The following RGL1 variants were observed in gnomAD, a reference collection of about 807,000 sequenced individuals.
RGL1 encodes the protein ral guanine nucleotide dissociation stimulator like 1.
Under a neutral mutation model 95.2 loss-of-function variants are expected in RGL1, and 24 were observed. The observed-to-expected ratio is 0.25, with a 90% CI of 0.18 to 0.35. The LOEUF is 0.35. RGL1 is among the 10% of genes least tolerant of loss of function. The probability of loss-of-function intolerance (pLI) is 1.00; values close to 1 mark genes in which losing one functional copy is unlikely to be tolerated. For synonymous variants in RGL1, 329 were observed against 344.9 expected (o/e 0.95, Z 0.51); for missense variants, 715 against 936.3 (o/e 0.76, Z 3.08).
At chr1:183,727,911 G>T (rs7553224) in intron 1 of RGL1, among the ~76,000 whole-genome samples, 71,112 of 151,976 alleles carry the variant, frequency 0.47, 17,490 homozygotes, top group East Asian at 0.8. Context: ...GGCTATAGGG[G>T]GCCCAGGTGT....
In RGL1 at chr1:183,847,710, A is replaced by T; in HGVS notation, c.283A>T (p.Ile95Phe). 1 of 1,614,130 alleles carries T rather than the reference A, an allele frequency of 6.2e-7. No individual in the cohort carries two copies. Reference protein sequence around the residue: ...FGDNDFTYISIFLSTYRGFAS... With the variant: ...FGDNDFTYISFFLSTYRGFAS... ...GGACAATGACTTTACCTATATCAGC[A>T]TCTTTCTTTCAACGTACAGAGGCTT... Residue 95 changes from isoleucine (I) to phenylalanine (F), a missense_variant, in exon 3 of 18, where the codon ATC becomes TTC. Ile to Phe is a conservative substitution (Grantham distance 21). This residue lies in a region of RGL1 where 381 missense variants were observed against 484.8 expected (regional missense o/e 0.79). Coordinates refer to ENST00000360851, the MANE Select transcript of RGL1 (RefSeq NM_001297671.3).
intron 11 of RGL1, among the ~76,000 whole-genome samples, chr1:183,901,833 A>AT (rs1371447238): frequency 3.9e-5 from 6 of 152,226 alleles, no homozygotes; most frequent in Non-Finnish European, 8.8e-5. Flanking sequence ...TTGAAATGAA[A>AT]TTGAAAGATT....
At chr1:183,919,118 GT>G (rs1669165695) in intron 16 of RGL1, among the ~76,000 whole-genome samples, 2 of 152,192 alleles carry the variant, frequency 1.3e-5, no homozygotes, top group South Asian at 4.1e-4. Context: ...CTTTCAAAAT[GT>G]TGATTAATTC....
At chr1:183,679,016 T>G (rs1436051017) in intron 1 of RGL1, among the ~76,000 whole-genome samples, 1 of 152,098 alleles carries the variant, frequency 6.6e-6, no homozygotes, top group Non-Finnish European at 1.5e-5. Flanking sequence ...TGGAAGAGCA[T>G]TTATATATAG....
At chr1:183,920,042 T>C (rs969017274) in intron 16 of RGL1, among the ~76,000 whole-genome samples, 8 of 152,018 alleles carry the variant, frequency 5.3e-5, no homozygotes, top group African/African-American at 1.9e-4. Flanking sequence ...TCAAAAACTT[T>C]TTTTTTTTTT....
At chr1:183,648,538 C>A in intron 1 of RGL1, 1 of 1,614,080 alleles carries the variant, frequency 6.2e-7, no homozygotes, top group Non-Finnish European at 8.5e-7. Flanking sequence ...CTAGCATGGC[C>A]CTTTTGCACC....
At chr1:183,674,954 C>T (rs905380195) in intron 1 of RGL1, among the ~76,000 whole-genome samples, 3 of 152,196 alleles carry the variant, frequency 2.0e-5, no homozygotes, top group African/African-American at 7.2e-5. Context: ...CAGAAGTTGC[C>T]TTTGAAGATT....
chr1:183,825,624 G>C (rs1662794250), intron 2 of RGL1, among the ~76,000 whole-genome samples: 1 of 152,184 alleles, frequency 6.6e-6, no homozygotes, highest in Middle Eastern at 3.2e-3. Flanking sequence ...CATCCCATAG[G>C]AAAGGCCAGG....
At chr1:183,716,626 G>T (rs1655639331) in intron 1 of RGL1, among the ~76,000 whole-genome samples, 1 of 152,314 alleles carries the variant, frequency 6.6e-6, no homozygotes, top group Admixed American at 6.5e-5. Context: ...CTGTTTGGGG[G>T]CGGCTGAAAA....
At chr1:183,763,339 T>A (rs1658803907) in intron 2 of RGL1, among the ~76,000 whole-genome samples, 1 of 152,150 alleles carries the variant, frequency 6.6e-6, no homozygotes, top group Non-Finnish European at 1.5e-5. Flanking sequence ...TATACCTATA[T>A]AACAAACCTG....
chr1:183,825,778 A>T (rs1443905843), intron 2 of RGL1, among the ~76,000 whole-genome samples: 1 of 152,180 alleles, frequency 6.6e-6, no homozygotes, highest in Non-Finnish European at 1.5e-5. Context: ...AAGCAGACAC[A>T]CTCATAGCAA....
intron 2 of RGL1, among the ~76,000 whole-genome samples, chr1:183,790,413 C>T (rs1660390090): frequency 1.3e-5 from 2 of 152,218 alleles, no homozygotes; most frequent in South Asian, 4.1e-4. Context: ...CCATGTAAGG[C>T]AGCTTGAGTC....
At chr1:183,761,030 C>T (rs1572380793) in intron 2 of RGL1, among the ~76,000 whole-genome samples, 1 of 152,222 alleles carries the variant, frequency 6.6e-6, no homozygotes. Context: ...ATTGCACTGG[C>T]AGTTGCTTCA....
At chr1:183,794,568 T>C (rs149288925) in intron 2 of RGL1, among the ~76,000 whole-genome samples, 5 of 152,208 alleles carry the variant, frequency 3.3e-5, no homozygotes, top group South Asian at 2.1e-4. Context: ...AATAAAAAAG[T>C]CCTCTTGTTC....
At position 183,758,443 on chromosome 1, in the gene RGL1, C is replaced by T. The variant is rs778947416; in HGVS notation, c.132+16154C>T. 9.2e-5 allele frequency among the ~76,000 whole-genome samples: 14 copies of T among 152,126 alleles called. No homozygotes were observed. The South Asian group carries it at 1.0e-3, about 11-fold the overall frequency. ...CGATCTCCTGACCTTGTGATCCACCCGCCTTGGCCTCCCAAAGTGCTAGGA... is the reference window on the plus strand; with the variant it reads ...CGATCTCCTGACCTTGTGATCCACCTGCCTTGGCCTCCCAAAGTGCTAGGA... On this transcript the variant is annotated intron_variant, in intron 2 of 18. Transcript: ENST00000304685.
intron 2 of RGL1, among the ~76,000 whole-genome samples, chr1:183,794,323 G>A (rs1660590912): frequency 6.6e-6 from 1 of 152,134 alleles, no homozygotes; most frequent in Non-Finnish European, 1.5e-5. Flanking sequence ...TTGCTTAATA[G>A]GTGCAAAGGT....
intron 14 of RGL1, 90 bp downstream of exon 14, chr1:183,907,191 G>A: frequency 1.3e-6 from 1 of 760,322 alleles, no homozygotes; most frequent in Non-Finnish European, 2.3e-6. Flanking sequence ...CTTGAGCCAG[G>A]GTGAAAGTGA....
At chr1:183,648,336 G>T in intron 1 of RGL1, 1 of 1,614,214 alleles carries the variant, frequency 6.2e-7, no homozygotes, top group African/African-American at 1.3e-5. Flanking sequence ...AATACTAAGA[G>T]TGATGCCTGG....
At chr1:183,870,727 A>G (rs545735512) in intron 4 of RGL1, among the ~76,000 whole-genome samples, 1 of 152,330 alleles carries the variant, frequency 6.6e-6, no homozygotes, top group South Asian at 2.1e-4. Flanking sequence ...AAGCCCTGCT[A>G]TGTAGTATTG....
Sources: gnomAD v4.1 joint callset for allele counts (sites outside exome capture counted in the v4.1 genomes callset) on GRCh38, gnomAD v4.1.1 for gene constraint, gnomAD v4.1.1 regional missense constraint, MANE v1.5 for transcripts, NCBI Gene and HGNC (gene_info 2026-07-23, HGNC 2026-07-21) for gene names.